TRIP13: variants seen among roughly 807,000 people sequenced by gnomAD.
The protein encoded by TRIP13 is thyroid hormone receptor interactor 13, also known as pachytene checkpoint protein 2 homolog.
TRIP13 carries 25 observed loss-of-function variants against 54.4 expected under a neutral mutation model. The ratio of observed to expected loss-of-function variants is 0.46; its 90% confidence interval spans 0.33 to 0.64. TRIP13 has a LOEUF of 0.64. Among genes scored for constraint, TRIP13 ranks in the 30% least tolerant of loss-of-function variants. The probability of loss-of-function intolerance (pLI) is 0.02; values close to 1 mark genes in which losing one functional copy is unlikely to be tolerated. For missense variants in TRIP13, 373 were observed against 534.2 expected (o/e 0.70, Z 2.97); for synonymous variants, 207 against 207.8 (o/e 1.00, Z 0.03).
Position 915,926 on chromosome 5 carries a change from C to A in TRIP13, c.1156C>A (p.Arg386=). 3 of 1,614,110 alleles carry A rather than the reference C, an allele frequency of 1.9e-6. No individual in the cohort carries two copies. Among genetic ancestry groups the A allele is most frequent in the Non-Finnish European group, 2.5e-6 (3 of 1,180,004 alleles). ...ISRKSEGLSG[R]VLRKLPFLAH... ...CAGGAAGAGCGAGGGCCTCAGCGGC[C>A]GGGTCCTGAGAAAACTCCCCTTTCT... The change falls in exon 12 of 13, where the codon CGG becomes AGG. Residue 386 remains arginine (R), a synonymous_variant. Transcript: ENST00000166345. This position sits in a 1 kb window ranked among gnomAD's most constrained non-coding sequence, Gnocchi z 4.2.
chr5:911,943 T>G lies in TRIP13; in HGVS notation c.967T>G (p.Ser323Ala). Residue 323 changes from serine (S) to alanine (A), a missense_variant, in exon 10 of 13, where the codon TCT becomes GCT. Ser to Ala is a moderately conservative substitution (Grantham distance 99). Coordinates refer to ENST00000166345, the MANE Select transcript of TRIP13 (RefSeq NM_004237.4). The surrounding 1 kb of genome is among the most constrained non-coding windows in gnomAD (Gnocchi z 4.7). ...ADIKQYIGPP[S>A]AAAIFKIYLS... ...CATCAAGCAGTACATTGGGCCACCC[T>G]CTGCAGCAGCCATCTTCAAAATCTA... 6.2e-7 allele frequency: 1 copy of G among 1,613,938 alleles called. No individual in the cohort carries two copies. Among genetic ancestry groups the G allele is most frequent in the Admixed American group, 1.7e-5 (1 of 59,972 alleles).
At position 917,038 on chromosome 5, in the gene TRIP13, C is replaced by G; in HGVS notation, c.1234C>G (p.Gln412Glu). The G allele has an allele frequency of 6.2e-7, 1 of 1,614,184 alleles. No homozygotes were observed. The highest frequency in any genetic ancestry group is 1.3e-5 in the African/African-American group (1 of 75,036). Residue 412 changes from glutamine (Q) to glutamate (E), a missense_variant, in exon 13 of 13, where the codon CAG (glutamine) becomes GAG (glutamate). Transcript: ENST00000166345. ...APTVTIEGFL[Q>E]ALSLAVDKQF... ...CACCGTCACCATAGAGGGGTTCCTC[C>G]AGGCCCTGTCTCTGGCAGTGGACAA...
rs1023767173 is a variant in TRIP13 at position 911,293 on chromosome 5, C to T, written c.867-550C>T. Among the ~76,000 whole-genome samples, 9 of 152,248 alleles carry T rather than the reference C, an allele frequency of 5.9e-5. No homozygotes were observed. The highest frequency in any genetic ancestry group is 2.1e-4 in the South Asian group (1 of 4,828). ...TGCGAAAGTGAGATCCTTGCTAGGCCGGGCGCGGTGGCTTACGCCTGTAAT... is the reference window on the plus strand; with the variant it reads ...TGCGAAAGTGAGATCCTTGCTAGGCTGGGCGCGGTGGCTTACGCCTGTAAT... On this transcript the variant is annotated intron_variant, in intron 9 of 12. Transcript: ENST00000166345. This position sits in a 1 kb window ranked among gnomAD's most constrained non-coding sequence, Gnocchi z 4.7.
At chr5:896,464 A>T (rs778304457) in intron 2 of TRIP13, among the ~76,000 whole-genome samples, 1 of 152,240 alleles carries the variant, frequency 6.6e-6, no homozygotes, top group African/African-American at 2.4e-5. Context: ...GGGCCCAAAG[A>T]GCAAGGGATG....
In TRIP13 at chr5:908,106, A is replaced by C. The variant is rs756395932; in HGVS notation, c.759+32A>C. The C allele has an allele frequency of 5.6e-6, 9 of 1,611,666 alleles. No homozygotes were observed. In the Admixed American group the frequency reaches 1.2e-4, roughly 21 times the overall value. ...ATTTCCAGATAAGGAAATTCATGAC[A>C]GAATCGCCTTTTGCCATTGTGGGGA... On this transcript the variant is annotated intron_variant, in intron 8 of 12. Coordinates refer to ENST00000166345, the MANE Select transcript of TRIP13 (RefSeq NM_004237.4). This position sits in a 1 kb window ranked among gnomAD's most constrained non-coding sequence, Gnocchi z 5.2.
chr5:900,370 G>T, intron 3 of TRIP13, 124 bp from the exon 4 acceptor site: 1 of 928,180 alleles, frequency 1.1e-6, no homozygotes. Flanking sequence ...CCTGTAATCA[G>T]AATCATAGTC....
chr5:916,281 TC>T (rs1276042103), intron 12 of TRIP13, among the ~76,000 whole-genome samples: 1 of 152,210 alleles, frequency 6.6e-6, no homozygotes, highest in East Asian at 1.9e-4. Flanking sequence ...AGGTTTGTGC[TC>T]TTTCAGTCTG....
rs374157613 is a variant in TRIP13, at chr5:914,588, A to T, written c.1133+11A>T. The T allele has an allele frequency of 6.3e-7, 1 of 1,599,270 alleles. No homozygotes were observed. Among genetic ancestry groups the T allele is most frequent in the Admixed American group, 1.7e-5 (1 of 59,966 alleles). On this transcript the variant is annotated intron_variant, in intron 11 of 12. Coordinates refer to ENST00000166345, the MANE Select transcript of TRIP13 (RefSeq NM_004237.4). ...GAATGACATTTCAAGGTGCAAATTGACCTCATTTTTGTAATCAAGAAGAAT... is the reference window on the plus strand; with the variant it reads ...GAATGACATTTCAAGGTGCAAATTGTCCTCATTTTTGTAATCAAGAAGAAT...
At position 906,716 on chromosome 5, in the gene TRIP13, C is replaced by T. The variant is rs559732316; in HGVS notation, c.609-414C>T. On this transcript the variant is annotated intron_variant, in intron 6 of 12. Transcript: ENST00000166345. ...GTGTGTGTTAAGGTTAACTTTGGGCCACCTGAGCATTCCTGGGCTCTGGGG... is the reference window on the plus strand; with the variant it reads ...GTGTGTGTTAAGGTTAACTTTGGGCTACCTGAGCATTCCTGGGCTCTGGGG... Among the ~76,000 whole-genome samples the T allele has an allele frequency of 3.7e-4, 56 of 152,264 alleles. No individual in the cohort carries two copies. In the South Asian group the frequency reaches 0.011, roughly 31 times the overall value.
chr5:903,589 G>A (rs557905655), intron 5 of TRIP13, among the ~76,000 whole-genome samples: 1 of 152,228 alleles, frequency 6.6e-6, no homozygotes, highest in South Asian at 2.1e-4. Context: ...ATCATGCTAG[G>A]GGACGCTTGG....
intron 2 of TRIP13, among the ~76,000 whole-genome samples, chr5:896,207 G>T (rs538724075): frequency 6.6e-6 from 1 of 152,326 alleles, no homozygotes; most frequent in Non-Finnish European, 1.5e-5. Context: ...CAGCTACTCA[G>T]AAGGCTGGAG....
chr5:910,768 A>C (rs1233992050), intron 9 of TRIP13, among the ~76,000 whole-genome samples: 1 of 152,120 alleles, frequency 6.6e-6, no homozygotes, highest in Non-Finnish European at 1.5e-5. Flanking sequence ...CGTGATCTGC[A>C]GGCCTAGGCC....
At chr5:914,740 T>C (rs147610640) in intron 11 of TRIP13, among the ~76,000 whole-genome samples, 163 bp downstream of exon 11, 2,394 of 151,722 alleles carry the variant, frequency 0.016, 25 homozygotes, top group Non-Finnish European at 0.026. Flanking sequence ...TGTGTGTGTG[T>C]GCATGTGAGT....
chr5:894,753 G>A (rs746758267), intron 1 of TRIP13, 34 bp from the exon 2 acceptor site: 29 of 1,570,234 alleles, frequency 1.8e-5, no homozygotes, highest in Non-Finnish European at 2.5e-5. Context: ...TTTGAACTAA[G>A]ATCATTTATG....
chr5:912,079 G>T lies in TRIP13; in HGVS notation c.1020+83G>T, dbSNP rs936304674. 2 of 1,489,728 alleles carry T rather than the reference G, an allele frequency of 1.3e-6. No individual in the cohort carries two copies. The highest frequency in any genetic ancestry group is 2.1e-5 in the Admixed American group (1 of 46,868). The allele number at this position is 1,489,728 out of a possible 1,614,324, so 92.3% of individuals were successfully genotyped here. ...AATTAAGATAGCTTAAAATAAGCTC[G>T]TTCCAGTACGGAGGATTTCAACATA... On this transcript the variant is annotated intron_variant, in intron 10 of 12. Transcript: ENST00000166345. This position sits in a 1 kb window ranked among gnomAD's most constrained non-coding sequence, Gnocchi z 7.2.
chr5:903,291 C>T (rs1004239108), intron 5 of TRIP13, among the ~76,000 whole-genome samples: 3 of 152,154 alleles, frequency 2.0e-5, no homozygotes, highest in Non-Finnish European at 4.4e-5. Context: ...TGGCCCTGTC[C>T]AGGCATAACA....
chr5:918,908 C>T (rs1419709780), downstream of TRIP13: 2 of 152,108 alleles, frequency 1.3e-5, no homozygotes, highest in Non-Finnish European at 1.5e-5. This position sits in a 1 kb window ranked among gnomAD's most constrained non-coding sequence, Gnocchi z 4.3. Context: ...CTTTACCAGC[C>T]CAGTGACTCA....
At chr5:895,955 T>C (rs1753904432) in intron 2 of TRIP13, among the ~76,000 whole-genome samples, 1 of 152,234 alleles carries the variant, frequency 6.6e-6, no homozygotes, top group Non-Finnish European at 1.5e-5. Flanking sequence ...TTAAGAAGAA[T>C]GAAATAGATT....
At position 908,163 on chromosome 5, in the gene TRIP13, C is replaced by A. The variant is rs986921132; in HGVS notation, c.759+89C>A. 4.0e-6 allele frequency: 6 copies of A among 1,499,866 alleles called. No homozygotes were observed. The highest frequency in any genetic ancestry group is 1.7e-4 in the Middle Eastern group (1 of 5,850). The allele number at this position is 1,499,866 out of a possible 1,614,324, so 92.9% of individuals were successfully genotyped here. A position where few individuals can be genotyped will look rare whatever the true frequency, so the allele number is the denominator to read the frequency against. ...CTACTCCTGATGCTCCTAGCTTTCCCCTCCTACAGCCGGGCTGCCCTCTAT... is the reference window on the plus strand; with the variant it reads ...CTACTCCTGATGCTCCTAGCTTTCCACTCCTACAGCCGGGCTGCCCTCTAT... On this transcript the variant is annotated intron_variant, in intron 8 of 12. Transcript: ENST00000166345. This position sits in a 1 kb window ranked among gnomAD's most constrained non-coding sequence, Gnocchi z 5.2.
Sources: gnomAD v4.1 joint callset for allele counts (sites outside exome capture counted in the v4.1 genomes callset) on GRCh38, gnomAD v4.1.1 for gene constraint, Gnocchi (gnomAD v3.1) non-coding constraint, MANE v1.5 for transcripts, NCBI Gene and HGNC (gene_info 2026-07-23, HGNC 2026-07-21) for gene names.